Variants in SGCD observed in about 807,000 individuals in gnomAD.
SGCD encodes delta-sarcoglycan.
Under a neutral mutation model 36.6 loss-of-function variants are expected in SGCD, and 18 were observed. The observed-to-expected ratio is 0.49, with a 90% CI of 0.34 to 0.73. The LOEUF (loss-of-function observed/expected upper bound fraction) is 0.73. Among genes scored for constraint, SGCD ranks in the 30% least tolerant of loss-of-function variants. The probability of loss-of-function intolerance (pLI) is 0.01; values close to 1 mark genes in which losing one functional copy is unlikely to be tolerated. For synonymous variants in SGCD, 133 were observed against 130.6 expected (o/e 1.02, Z -0.12); for missense variants, 387 against 346.7 (o/e 1.12, Z -0.92).
At chr5:156,467,645 C>T (rs1260394366) in intron 3 of SGCD, among the ~76,000 whole-genome samples, 1 of 152,188 alleles carries the variant, frequency 6.6e-6, no homozygotes, top group Non-Finnish European at 1.5e-5. Context: ...AAAGCTGCTT[C>T]CTGTGATTTC....
intron 3 of SGCD, among the ~76,000 whole-genome samples, chr5:156,270,846 C>A (rs1212927298): frequency 6.6e-6 from 1 of 152,158 alleles, no homozygotes; most frequent in African/African-American, 2.4e-5. Context: ...GAGTGCCTAG[C>A]ACTCTATTGT....
chr5:155,941,048 G>A (rs1757314856), intron 1 of SGCD, among the ~76,000 whole-genome samples: 1 of 152,018 alleles, frequency 6.6e-6, no homozygotes, highest in South Asian at 2.1e-4. Flanking sequence ...CCAAGATTAA[G>A]AAACTGCAGC....
chr5:155,878,277 A>G lies in SGCD; in HGVS notation c.-282+7853A>G, dbSNP rs145538260. 3.7e-3 allele frequency among the ~76,000 whole-genome samples: 556 copies of G among 152,232 alleles called. 1 individual carries two copies. Among genetic ancestry groups the G allele is most frequent in the South Asian group, 9.1e-3 (44 of 4,826 alleles). On this transcript the variant is annotated intron_variant, in intron 1 of 9. Coordinates refer to the SGCD transcript ENST00000517913. ...TTAATCCAACAGTTCAGTGGCTTGA[A>G]TCATAGACTTAGCTCTTAGGCTTAA...
At chr5:156,602,627 C>G (rs1207670361) in intron 6 of SGCD, among the ~76,000 whole-genome samples, 1 of 151,982 alleles carries the variant, frequency 6.6e-6, no homozygotes, top group East Asian at 1.9e-4. Flanking sequence ...CCTTTTATAC[C>G]TAATTTGATG....
intron 3 of SGCD, among the ~76,000 whole-genome samples, chr5:156,201,707 C>T (rs1217344505): frequency 6.9e-6 from 1 of 145,952 alleles, no homozygotes; most frequent in African/African-American, 2.5e-5. Flanking sequence ...AGAGGACAAG[C>T]CCATAATTCC....
intron 3 of SGCD, among the ~76,000 whole-genome samples, chr5:156,276,573 A>G (rs1428566000): frequency 1.3e-5 from 2 of 152,170 alleles, no homozygotes; most frequent in Non-Finnish European, 2.9e-5. Context: ...AAATACATAT[A>G]TAAGTATATA....
intron 7 of SGCD, among the ~76,000 whole-genome samples, chr5:156,706,470 T>C (rs1204050660): frequency 6.6e-6 from 1 of 152,078 alleles, no homozygotes; most frequent in Non-Finnish European, 1.5e-5. Flanking sequence ...CCACACTACA[T>C]CCATTTTCAA....
intron 3 of SGCD, among the ~76,000 whole-genome samples, chr5:156,256,172 T>G (rs952479212): frequency 3.8e-5 from 5 of 133,276 alleles, no homozygotes; most frequent in East Asian, 4.6e-4. Context: ...GAGTCTATAT[T>G]CTTTTCTTGT....
chr5:156,287,334 T>C (rs10052410), intron 3 of SGCD, among the ~76,000 whole-genome samples: 62,469 of 151,866 alleles, frequency 0.41, 13,957 homozygotes, highest in African/African-American at 0.57. Context: ...AAACAGCTTT[T>C]TGGGATTCAC....
At chr5:156,565,669 T>C (rs1019931727) in intron 4 of SGCD, among the ~76,000 whole-genome samples, 17 of 152,140 alleles carry the variant, frequency 1.1e-4, no homozygotes, top group Admixed American at 2.6e-4. Context: ...CTACATTAGG[T>C]ATTTCTCCTA....
At chr5:156,442,371 C>T (rs1168681127) in intron 3 of SGCD, among the ~76,000 whole-genome samples, 1 of 152,186 alleles carries the variant, frequency 6.6e-6, no homozygotes, top group Non-Finnish European at 1.5e-5. Context: ...ACCGCTCTAC[C>T]ATTTCCCATC....
chr5:156,656,211 T>C (rs946230147), intron 7 of SGCD, among the ~76,000 whole-genome samples: 3 of 152,122 alleles, frequency 2.0e-5, no homozygotes, highest in African/African-American at 7.2e-5. Flanking sequence ...TAAAATTATT[T>C]AAATAAAGTA....
At chr5:156,541,936 T>C (rs1002933279) in intron 4 of SGCD, among the ~76,000 whole-genome samples, 3 of 152,180 alleles carry the variant, frequency 2.0e-5, no homozygotes, top group Admixed American at 6.5e-5. Flanking sequence ...AATAATGCCA[T>C]ACAACTTGGC....
chr5:156,662,946 G>C (rs560599082), intron 7 of SGCD, among the ~76,000 whole-genome samples: 1 of 150,398 alleles, frequency 6.6e-6, no homozygotes, highest in South Asian at 2.1e-4. Context: ...TATGGGTTTA[G>C]GAGGCTCTAC....
At chr5:156,025,642 T>A (rs544195882) in intron 1 of SGCD, among the ~76,000 whole-genome samples, 1 of 152,258 alleles carries the variant, frequency 6.6e-6, no homozygotes, top group Non-Finnish European at 1.5e-5. Flanking sequence ...ATTTTCTTTC[T>A]CACTGCAGCT....
At chr5:156,146,213 T>TA (rs2127612931) in intron 3 of SGCD, among the ~76,000 whole-genome samples, 1 of 152,168 alleles carries the variant, frequency 6.6e-6, no homozygotes, top group African/African-American at 2.4e-5. Flanking sequence ...ACTCCATCTC[T>TA]AAAAAACAAA....
chr5:155,900,712 A>G (rs1203928232), intron 1 of SGCD, among the ~76,000 whole-genome samples: 1 of 152,062 alleles, frequency 6.6e-6, no homozygotes, highest in Non-Finnish European at 1.5e-5. Flanking sequence ...AGAATTCTCA[A>G]AATGCAGGAG....
At chr5:156,698,762 A>C (rs180908103) in intron 7 of SGCD, among the ~76,000 whole-genome samples, 2 of 151,922 alleles carry the variant, frequency 1.3e-5, no homozygotes, top group African/African-American at 4.8e-5. Flanking sequence ...TACTTAGCCT[A>C]GGTAAGCCTC....
chr5:156,342,152 A>G (rs1273166079), intron 2 of SGCD, among the ~76,000 whole-genome samples: 1 of 152,224 alleles, frequency 6.6e-6, no homozygotes, highest in African/African-American at 2.4e-5. Context: ...CATGCTACCT[A>G]TACCTCCATC....
Sources: allele counts gnomAD v4.1 joint callset (sites outside exome capture counted in the v4.1 genomes callset), GRCh38; gene constraint gnomAD v4.1.1; transcripts MANE v1.5; gene names NCBI Gene and HGNC (gene_info 2026-07-23, HGNC 2026-07-21).